TDRD9: variants seen among roughly 807,000 people sequenced by gnomAD.
The protein encoded by TDRD9 is tudor domain containing 9, also known as ATP-dependent RNA helicase TDRD9.
A neutral mutation model predicts 172.6 loss-of-function variants in TDRD9; 124 were observed. That is an observed-to-expected ratio of 0.72 (90% confidence interval 0.62 to 0.83). The LOEUF (loss-of-function observed/expected upper bound fraction) is 0.83, where lower values mean the gene tolerates loss of function less well. Among genes scored for constraint, TDRD9 ranks in the 40% least tolerant of loss-of-function variants. The pLI, the probability that TDRD9 is intolerant of heterozygous loss-of-function variation, is 0.00. For missense variants in TDRD9, 1,479 were observed against 1,714.1 expected, an observed-to-expected ratio of 0.86 and a Z score of 2.42; for synonymous variants, 619 against 617.1, an observed-to-expected ratio of 1.00 and a Z score of -0.05.
intron 6 of TDRD9, among the ~76,000 whole-genome samples, chr14:103,973,370 C>T (rs1003994783): frequency 1.1e-4 from 16 of 152,178 alleles, no homozygotes; most frequent in African/African-American, 3.4e-4. Context: ...CTCCCCTTTC[C>T]TCTCCCCCCA....
rs371934680 is a variant in TDRD9, at chr14:103,939,743, GTTTTT to G, written c.215+11036_215+11040del. On this transcript the variant is annotated intron_variant, in intron 1 of 35. Coordinates refer to ENST00000409874, the MANE Select transcript of TDRD9 (RefSeq NM_153046.3). ...AGTTCTAGTCTTTTTGAAAAAAAGT[GTTTTT>G]TTTTTTTTTTTTTTTTGAGACAAGG... 13 of 17,448 alleles carry G rather than the reference GTTTTT, an allele frequency of 7.5e-4. 2 individuals carry two copies. Among genetic ancestry groups the G allele is most frequent in the Non-Finnish European group, 8.4e-4 (7 of 8,296 alleles). 1.1% of individuals were successfully genotyped at this position (17,448 alleles called of 1,614,324 possible).
At chr14:103,975,869 T>C (rs1172444358) in intron 7 of TDRD9, among the ~76,000 whole-genome samples, 1 of 152,240 alleles carries the variant, frequency 6.6e-6, no homozygotes, top group African/African-American at 2.4e-5. Context: ...GATAAGTTTT[T>C]GTCAACTGTA....
At chr14:103,990,508 C>T (rs189780460) in intron 8 of TDRD9, among the ~76,000 whole-genome samples, 23 of 152,366 alleles carry the variant, frequency 1.5e-4, no homozygotes, top group African/African-American at 5.3e-4. Flanking sequence ...ATGCACCTCC[C>T]TTAGCACTGC....
At chr14:103,936,170 G>A (rs2030750803) in intron 1 of TDRD9, among the ~76,000 whole-genome samples, 1 of 152,100 alleles carries the variant, frequency 6.6e-6, no homozygotes, top group African/African-American at 2.4e-5. Context: ...CAGCCTTGAC[G>A]TGGGCTCAAG....
intron 19 of TDRD9, among the ~76,000 whole-genome samples, chr14:104,007,827 G>T (rs1177103111): frequency 6.6e-6 from 1 of 151,856 alleles, no homozygotes; most frequent in Non-Finnish European, 1.5e-5. Flanking sequence ...GCCCAGGCTG[G>T]AGTGCAGTGG....
In TDRD9 at chr14:103,965,493, G is replaced by C; in HGVS notation, c.581G>C (p.Ser194Thr). 1 of 1,549,864 alleles carries C rather than the reference G, an allele frequency of 6.5e-7. No homozygotes were observed. Among genetic ancestry groups the C allele is most frequent in the South Asian group, 1.2e-5 (1 of 84,006 alleles). ...VTQPRKIGAS[S>T]IARWISKERA... ...CAGCCCCGGAAGATAGGGGCAAGCA[G>C]CATCGCCAGGTGGATCAGTAAAGAG... is the stretch of plus-strand genomic sequence containing the variant. The change falls in exon 4 of 36, where the codon AGC becomes ACC. Residue 194 changes from serine (S) to threonine (T), a missense_variant. This residue lies in a region of TDRD9 where 1,413 missense variants were observed against 1,649.1 expected (regional missense o/e 0.86). Transcript: ENST00000409874.
intron 35 of TDRD9, among the ~76,000 whole-genome samples, chr14:104,050,541 G>A (rs1419713143): frequency 2.6e-5 from 4 of 152,186 alleles, no homozygotes; most frequent in African/African-American, 9.7e-5. Context: ...AAAGCAGCAG[G>A]GGCAGTCTTC....
chr14:104,014,196 T>C (rs375770664), intron 20 of TDRD9, among the ~76,000 whole-genome samples: 51 of 140,962 alleles, frequency 3.6e-4, no homozygotes, highest in African/African-American at 1.3e-3. Flanking sequence ...ATCGCGCCAC[T>C]GCACTCCAGC....
At chr14:103,933,659 C>T (rs771809996) in intron 1 of TDRD9, among the ~76,000 whole-genome samples, 35 of 152,174 alleles carry the variant, frequency 2.3e-4, no homozygotes, top group African/African-American at 8.0e-4. Context: ...CTGCCTGCCT[C>T]GGCCTCCCAA....
Position 104,005,323 on chromosome 14 carries a change from G to A in TDRD9, c.1631G>A (p.Gly544Asp), listed in dbSNP as rs771732503. The A allele has an allele frequency of 1.3e-5, 21 of 1,613,780 alleles. 1 individual carries two copies. Among genetic ancestry groups the A allele is most frequent in the South Asian group, 3.3e-5 (3 of 91,086 alleles). ...TTGAAAGTGAAATTACTTGACATGG[G>A]TGAGCCGAGAGCTCTGCTGGCCACT... is the stretch of plus-strand genomic sequence containing the variant. The part of the protein sequence containing the change: ...TILKVKLLDM[G>D]EPRALLATAL... The change falls in exon 15 of 36, where the codon GGT (glycine) becomes GAT (aspartate). Residue 544 changes from glycine (G) to aspartate (D), a missense_variant. Around this residue, in one of 3 missense-constraint regions of TDRD9, gnomAD observed 1,413 missense variants for 1,649.1 expected, o/e 0.86. Coordinates refer to ENST00000409874, the MANE Select transcript of TDRD9 (RefSeq NM_153046.3).
chr14:104,009,573 G>C (rs2034545107), intron 20 of TDRD9, among the ~76,000 whole-genome samples: 2 of 152,008 alleles, frequency 1.3e-5, no homozygotes, highest in Admixed American at 1.3e-4. Context: ...GCAGACTTGG[G>C]CTACACTAAG....
rs2035097930 is a variant in TDRD9, at chr14:104,025,759, T to C, written c.2914T>C (p.Ser972Pro). 3 of 1,613,720 alleles carry C rather than the reference T, an allele frequency of 1.9e-6. 1 individual carries two copies. The highest frequency in any genetic ancestry group is 3.3e-4 in the Middle Eastern group (2 of 6,082). ...RYFRAQVLYV[S>P]GNSAEVFFVD... ...CTTTAGAGCTCAAGTCCTTTATGTT[T>C]CTGGAAATTCTGCTGAGGTAGGTTT... Residue 972 changes from serine to proline, a missense_variant, in exon 26 of 36, where the codon TCT becomes CCT. This residue lies in a region of TDRD9 where 1,413 missense variants were observed against 1,649.1 expected (regional missense o/e 0.86). Transcript: ENST00000409874.
intron 1 of TDRD9, among the ~76,000 whole-genome samples, chr14:103,950,006 GCCC>G (rs2031778896): frequency 9.8e-5 from 6 of 61,404 alleles, no homozygotes; most frequent in Non-Finnish European, 1.8e-4. Flanking sequence ...ATCAGGCCCT[GCCC>G]TGCCCTGCCC....
chr14:103,990,500 G>A (rs1430439764), intron 8 of TDRD9, among the ~76,000 whole-genome samples: 1 of 152,164 alleles, frequency 6.6e-6, no homozygotes, highest in African/African-American at 2.4e-5. Flanking sequence ...CTCCATACAT[G>A]CACCTCCCTT....
At chr14:103,965,265 T>G in intron 3 of TDRD9, 68 bp from the exon 4 acceptor site, 1 of 1,385,352 alleles carries the variant, frequency 7.2e-7, no homozygotes, top group Non-Finnish European at 1.0e-6. Flanking sequence ...CTGAAAGACT[T>G]CTTAATATAG....
chr14:103,993,923 C>T (rs2033964193), intron 9 of TDRD9, among the ~76,000 whole-genome samples: 1 of 152,222 alleles, frequency 6.6e-6, no homozygotes, highest in African/African-American at 2.4e-5. Context: ...TTTCAGCAAA[C>T]AGGACGGAGG....
intron 1 of TDRD9, chr14:103,941,552 G>A (rs1456802943): frequency 9.8e-6 from 15 of 1,535,156 alleles, no homozygotes; most frequent in Admixed American, 2.0e-5. Context: ...GTTCATTTTC[G>A]ATTTCTTGTA....
intron 5 of TDRD9, among the ~76,000 whole-genome samples, chr14:103,969,540 A>C (rs1215872332): frequency 6.6e-6 from 1 of 152,188 alleles, no homozygotes; most frequent in Non-Finnish European, 1.5e-5. Flanking sequence ...TCTTTTCTCT[A>C]TGCTACTTCT....
chr14:103,941,276 T>A, intron 1 of TDRD9: 1 of 906,786 alleles, frequency 1.1e-6, no homozygotes, highest in Non-Finnish European at 1.6e-6. Flanking sequence ...TTAAAACAAT[T>A]GCTCACCAGA....
Sources: allele counts gnomAD v4.1 joint callset (sites outside exome capture counted in the v4.1 genomes callset), GRCh38; gene constraint gnomAD v4.1.1; regional missense constraint gnomAD v4.1.1; transcripts MANE v1.5; gene names NCBI Gene and HGNC (gene_info 2026-07-23, HGNC 2026-07-21).